PTPN13: variants seen among roughly 807,000 people sequenced by gnomAD.
PTPN13 encodes protein tyrosine phosphatase non-receptor type 13.
PTPN13 carries 191 observed loss-of-function variants against 284.0 expected under a neutral mutation model. That is an observed-to-expected ratio of 0.67 (90% CI 0.60 to 0.76). The LOEUF is 0.76. Ranked by LOEUF, PTPN13 falls within the 30% of genes least tolerant of loss-of-function variation. PTPN13 has a pLI of 0.00. For missense variants in PTPN13, 2,797 were observed against 2,939.9 expected, an observed-to-expected ratio of 0.95 and a Z score of 1.12; for synonymous variants, 986 against 1,022.3, an observed-to-expected ratio of 0.96 and a Z score of 0.68.
intron 40 of PTPN13, among the ~76,000 whole-genome samples, chr4:86,795,776 A>G (rs1743266738): frequency 6.6e-6 from 1 of 152,186 alleles, no homozygotes; most frequent in Admixed American, 6.5e-5. Flanking sequence ...ATTCTAAGCA[A>G]ACTATCACAA....
At chr4:86,652,702 T>G (rs1725234668) in intron 2 of PTPN13, among the ~76,000 whole-genome samples, 1 of 152,168 alleles carries the variant, frequency 6.6e-6, no homozygotes, top group Non-Finnish European at 1.5e-5. Context: ...TTTATCCTTC[T>G]CCTTTGAGTT....
intron 2 of PTPN13, among the ~76,000 whole-genome samples, chr4:86,645,284 C>T (rs1724289439): frequency 6.6e-6 from 1 of 152,162 alleles, no homozygotes; most frequent in South Asian, 2.1e-4. Flanking sequence ...ATCATACTTA[C>T]TGGTAAAACA....
intron 44 of PTPN13, among the ~76,000 whole-genome samples, chr4:86,807,325 A>C (rs1033955105): frequency 6.6e-6 from 1 of 152,204 alleles, no homozygotes; most frequent in African/African-American, 2.4e-5. Context: ...ACCAAATTTC[A>C]TATGTCAGAA....
chr4:86,716,730 G>A (rs1733065214), intron 8 of PTPN13, 105 bp downstream of exon 8: 2 of 913,162 alleles, frequency 2.2e-6, no homozygotes, highest in Admixed American at 3.1e-5. Context: ...GAATAATACT[G>A]TATAAAATTG....
chr4:86,659,946 A>G (rs1203313709), intron 2 of PTPN13, among the ~76,000 whole-genome samples: 9 of 152,334 alleles, frequency 5.9e-5, no homozygotes, highest in Non-Finnish European at 1.5e-5. Context: ...GTTCAAGATT[A>G]AGGTCAAAAC....
chr4:86,653,899 A>T (rs1357326716), intron 2 of PTPN13, among the ~76,000 whole-genome samples: 6 of 152,346 alleles, frequency 3.9e-5, no homozygotes, highest in Non-Finnish European at 5.9e-5. Flanking sequence ...TATTTAACTT[A>T]AAGCTGTGAT....
rs70948795 is a variant in PTPN13, at chr4:86,628,503, A to ATT, written c.-5-6739_-5-6738dup. 3.2e-4 allele frequency among the ~76,000 whole-genome samples: 44 copies of ATT among 136,794 alleles called. 1 individual carries two copies. The highest frequency in any genetic ancestry group is 1.1e-3 in the South Asian group (5 of 4,382). The allele number at this position is 136,794 out of a possible 152,430, so 89.7% of individuals were successfully genotyped here. A position where few individuals can be genotyped will look rare whatever the true frequency, so the allele number is the denominator to read the frequency against. ...AGTTTGTGGTTCATTTTTTTTTTTA[A>ATT]TTTTTTTTTTTATTATACTCTAAGT... On this transcript the variant is annotated intron_variant, in intron 1 of 47. Transcript: ENST00000411767.
chr4:86,789,842 CTT>C (rs34944218), intron 40 of PTPN13, among the ~76,000 whole-genome samples: 30 of 135,910 alleles, frequency 2.2e-4, no homozygotes, highest in Non-Finnish European at 2.7e-4. Context: ...ATCACTGTAG[CTT>C]TTTTTTTTTT....
intron 6 of PTPN13, among the ~76,000 whole-genome samples, chr4:86,698,360 G>A (rs1730787404): frequency 6.6e-6 from 1 of 152,146 alleles, no homozygotes; most frequent in Non-Finnish European, 1.5e-5. Flanking sequence ...TGAGCATGTT[G>A]CATTTGAGGG....
intron 10 of PTPN13, among the ~76,000 whole-genome samples, chr4:86,723,693 C>T (rs1733923100): frequency 6.6e-6 from 1 of 152,134 alleles, no homozygotes; most frequent in African/African-American, 2.4e-5. Context: ...ATGATCGTGC[C>T]TGTTTCTTCA....
intron 1 of PTPN13, among the ~76,000 whole-genome samples, chr4:86,618,557 G>A (rs925367544): frequency 3.9e-5 from 6 of 152,218 alleles, no homozygotes; most frequent in Non-Finnish European, 1.5e-5. Context: ...TCCTACCCAT[G>A]AGCATAGACT....
chr4:86,708,084 G>T (rs992666645), intron 7 of PTPN13, among the ~76,000 whole-genome samples: 1 of 152,154 alleles, frequency 6.6e-6, no homozygotes, highest in Non-Finnish European at 1.5e-5. Context: ...GTCTATATCT[G>T]CACAGTCCAA....
intron 44 of PTPN13, 108 bp from the exon 45 acceptor site, chr4:86,807,452 A>G: frequency 2.5e-6 from 2 of 806,720 alleles, no homozygotes; most frequent in Non-Finnish European, 4.0e-6. Context: ...TGGTGATTTC[A>G]TCTGTGACTA....
At chr4:86,747,725 T>C (rs180736597) in intron 17 of PTPN13, among the ~76,000 whole-genome samples, 4 of 152,344 alleles carry the variant, frequency 2.6e-5, no homozygotes, top group African/African-American at 9.6e-5. Flanking sequence ...AACAGCTATG[T>C]ATCCTTGCCC....
At chr4:86,617,965 A>G (rs1181716275) in intron 1 of PTPN13, among the ~76,000 whole-genome samples, 1 of 151,996 alleles carries the variant, frequency 6.6e-6, no homozygotes, top group Non-Finnish European at 1.5e-5. Context: ...TTTTGTTGCC[A>G]TTGCTTTTGG....
At chr4:86,740,552 C>T (rs1429366750) in intron 15 of PTPN13, among the ~76,000 whole-genome samples, 1 of 152,182 alleles carries the variant, frequency 6.6e-6, no homozygotes, top group Non-Finnish European at 1.5e-5. Flanking sequence ...CCTCCTAAAC[C>T]TCCAGGCCTG....
chr4:86,621,092 C>T (rs773689171), intron 1 of PTPN13, among the ~76,000 whole-genome samples: 3 of 152,156 alleles, frequency 2.0e-5, no homozygotes, highest in Admixed American at 6.6e-5. Flanking sequence ...GTTTCTCACT[C>T]GTTTAATGAA....
At chr4:86,626,262 A>C (rs1162905724) in intron 1 of PTPN13, among the ~76,000 whole-genome samples, 1 of 152,146 alleles carries the variant, frequency 6.6e-6, no homozygotes, top group Non-Finnish European at 1.5e-5. Flanking sequence ...AGTTGACATG[A>C]ACCAGAGGCC....
chr4:86,759,269 C>A lies in PTPN13; in HGVS notation c.3553+196C>A, dbSNP rs183200201. Among the ~76,000 whole-genome samples, 175 of 152,184 alleles carry A rather than the reference C, an allele frequency of 1.1e-3. 1 individual carries two copies. Among genetic ancestry groups the A allele is most frequent in the African/African-American group, 4.0e-3 (165 of 41,528 alleles). On this transcript the variant is annotated intron_variant, in intron 23 of 47. Transcript: ENST00000411767. ...ATTTATCATTGTGTAGTTAATATTA[C>A]ATAATAGTTATATATAAAGTCCTGT... is the stretch of plus-strand genomic sequence containing the variant.
Sources: gnomAD v4.1 joint callset for allele counts (sites outside exome capture counted in the v4.1 genomes callset) on GRCh38, gnomAD v4.1.1 for gene constraint, MANE v1.5 for transcripts, NCBI Gene and HGNC (gene_info 2026-07-23, HGNC 2026-07-21) for gene names.